Variants in TEX14 observed in about 807,000 individuals in gnomAD.
The protein encoded by TEX14 is inactive serine/threonine-protein kinase TEX14.
TEX14 carries 168 observed loss-of-function variants against 178.6 expected under a neutral mutation model. That is an observed-to-expected ratio of 0.94 (90% CI 0.83 to 1.07). The LOEUF is 1.07. TEX14 is among the 50% of genes least tolerant of loss of function. The pLI, the probability that TEX14 is intolerant of heterozygous loss-of-function variation, is 0.00. For missense variants in TEX14, 1,730 were observed against 1,753.6 expected, an observed-to-expected ratio of 0.99 and a Z score of 0.24; for synonymous variants, 626 against 634.1, an observed-to-expected ratio of 0.99 and a Z score of 0.19.
At chr17:58,618,663 C>T (rs373792350) in intron 5 of TEX14, among the ~76,000 whole-genome samples, 6 of 152,328 alleles carry the variant, frequency 3.9e-5, no homozygotes, top group East Asian at 1.9e-4. Context: ...AGCTGGGAGA[C>T]GGTGCATACT....
intron 2 of TEX14, among the ~76,000 whole-genome samples, chr17:58,646,514 T>A (rs1030303933): frequency 1.3e-5 from 2 of 152,164 alleles, no homozygotes; most frequent in Admixed American, 1.3e-4. Flanking sequence ...TTCTTTTCAT[T>A]TTTTTCAGAG....
chr17:58,679,604 G>A (rs531938087), intron 1 of TEX14: 11 of 152,296 alleles, frequency 7.2e-5, no homozygotes, highest in Admixed American at 2.6e-4. Flanking sequence ...AACCACAGGG[G>A]TCAGCACATC....
chr17:58,680,138 A>G (rs1880398971), intron 1 of TEX14, among the ~76,000 whole-genome samples: 1 of 151,890 alleles, frequency 6.6e-6, no homozygotes, highest in African/African-American at 2.4e-5. Context: ...GGGGTACAGT[A>G]GTTATCGAAC....
At chr17:58,650,554 C>G (rs1170224770) in intron 2 of TEX14, among the ~76,000 whole-genome samples, 1 of 152,140 alleles carries the variant, frequency 6.6e-6, no homozygotes, top group Non-Finnish European at 1.5e-5. Context: ...GAGATGGGAT[C>G]TCACCTCAGC....
chr17:58,593,654 G>A lies in TEX14; in HGVS notation c.2477C>T (p.Thr826Ile). 6.2e-7 allele frequency: 1 copy of A among 1,614,046 alleles called. No individual in the cohort carries two copies. The highest frequency in any genetic ancestry group is 2.2e-5 in the East Asian group (1 of 44,874). Residue 826 changes from threonine (T) to isoleucine (I), a missense_variant, in exon 15 of 32, where the codon ACT (threonine) becomes ATT (isoleucine). Thr to Ile is a moderately conservative substitution (Grantham distance 89, BLOSUM62 -1). This residue lies in a region of TEX14 where 941 missense variants were observed against 1,072.4 expected (regional missense o/e 0.88). Coordinates refer to ENST00000349033, the MANE Select transcript of TEX14 (RefSeq NM_031272.5). The stretch of plus-strand genomic sequence containing the variant: ...GTTCTGTTTTCCAGGGTCACAAAGA[G>A]TCGGCAGCTTAAAAAGCAATAAACA... ...TLPRFPRMLP[T>I]LCDPGKQNTD...
intron 1 of TEX14, among the ~76,000 whole-genome samples, chr17:58,672,729 CT>C (rs201970641): frequency 0.017 from 2,580 of 151,858 alleles, 25 homozygotes; most frequent in Non-Finnish European, 0.024. Flanking sequence ...GTCGGCATTC[CT>C]TTTTTTCTTT....
intron 1 of TEX14, among the ~76,000 whole-genome samples, chr17:58,684,800 C>A (rs1039262151): frequency 1.3e-5 from 2 of 151,760 alleles, no homozygotes; most frequent in Non-Finnish European, 2.9e-5. Flanking sequence ...TATGGCAAAA[C>A]CCTGTCTCCA....
chr17:58,659,295 C>T (rs969203712), intron 1 of TEX14: 5 of 966,492 alleles, frequency 5.2e-6, no homozygotes, highest in East Asian at 1.1e-4. Context: ...TCTCCCCCGC[C>T]ACAAAGACAT....
At chr17:58,683,052 CAA>C (rs1194798521) in intron 1 of TEX14, among the ~76,000 whole-genome samples, 25 of 54,030 alleles carry the variant, frequency 4.6e-4, no homozygotes, top group African/African-American at 1.4e-3. Context: ...GAGTCTGTCT[CAA>C]AAAAAAAAAA....
chr17:58,656,386 A>C (rs181975647), intron 1 of TEX14, among the ~76,000 whole-genome samples: 341 of 151,798 alleles, frequency 2.2e-3, no homozygotes, highest in Non-Finnish European at 3.5e-3. Flanking sequence ...TGGAGGTTGC[A>C]GTGAGCCGAG....
chr17:58,623,085 C>A, intron 3 of TEX14, 73 bp from the exon 4 acceptor site: 1 of 1,379,582 alleles, frequency 7.2e-7, no homozygotes, highest in African/African-American at 1.4e-5. Context: ...GCTCAGCGTG[C>A]AACACAGGGC....
At chr17:58,649,346 C>G (rs1036046370) in intron 2 of TEX14, among the ~76,000 whole-genome samples, 1 of 152,150 alleles carries the variant, frequency 6.6e-6, no homozygotes, top group Non-Finnish European at 1.5e-5. Flanking sequence ...TCCCAAAGTG[C>G]TGGGATTACA....
chr17:58,629,846 A>AAT (rs1567746014), intron 3 of TEX14, among the ~76,000 whole-genome samples: 3 of 144,044 alleles, frequency 2.1e-5, no homozygotes, highest in Non-Finnish European at 3.0e-5. Context: ...AAAAAAAAAA[A>AAT]AAATAAATAA....
At chr17:58,563,557 C>T (rs1471431185) in intron 28 of TEX14, among the ~76,000 whole-genome samples, 2 of 144,368 alleles carry the variant, frequency 1.4e-5, no homozygotes, top group Non-Finnish European at 3.0e-5. Flanking sequence ...GAGGATGGGG[C>T]AGGAAGATCA....
At chr17:58,557,723 T>G in intron 31 of TEX14, 76 bp downstream of exon 31, 1 of 1,181,212 alleles carries the variant, frequency 8.5e-7, no homozygotes, top group East Asian at 2.4e-5. Context: ...ATTTAGACAC[T>G]GGTAAATGTT....
chr17:58,682,866 C>A (rs1022608052), intron 1 of TEX14, among the ~76,000 whole-genome samples: 15 of 152,160 alleles, frequency 9.9e-5, no homozygotes, highest in Middle Eastern at 6.8e-3. Context: ...CTGTTATAAT[C>A]CTCACAGAGG....
intron 1 of TEX14, among the ~76,000 whole-genome samples, chr17:58,665,473 C>A (rs891118192): frequency 3.9e-5 from 6 of 151,960 alleles, no homozygotes; most frequent in Non-Finnish European, 8.8e-5. Flanking sequence ...TCATGCGTGG[C>A]TGTAGTCCAG....
In TEX14 at chr17:58,670,771, T is replaced by TCAAAAAAA. The variant is rs1598432610; in HGVS notation, c.-1-18770_-1-18769insTTTTTTTG. Reference sequence around the variant, plus strand: ...CTGGGCGACAGAGTGAGACTCCCTCTTAAAAAAAAAAAAAAAAAAAAAAAA... The same window carrying TCAAAAAAA: ...CTGGGCGACAGAGTGAGACTCCCTCTCAAAAAAATAAAAAAAAAAAAAAAAAAAAAAAA... On this transcript the variant is annotated intron_variant, in intron 1 of 31. Transcript: ENST00000349033. Among the ~76,000 whole-genome samples the TCAAAAAAA allele has an allele frequency of 1.8e-3, 14 of 7,954 alleles. 7 individuals are homozygous for TCAAAAAAA. The highest frequency in any genetic ancestry group is 1.8e-3 in the Non-Finnish European group (8 of 4,402). The allele number at this position is 7,954 out of a possible 152,430, so 5.2% of individuals were successfully genotyped here.
In TEX14 at chr17:58,691,945, A is replaced by C. The variant is rs1267047098; in HGVS notation, c.-8T>G. 6.6e-6 allele frequency: 1 copy of C among 152,554 alleles called. No individual in the cohort carries two copies. The highest frequency in any genetic ancestry group is 2.4e-5 in the African/African-American group (1 of 41,384). The allele number at this position is 152,554 out of a possible 1,614,324, so 9.5% of individuals were successfully genotyped here. A position where few individuals can be genotyped will look rare whatever the true frequency, so the allele number is the denominator to read the frequency against. ...GGGGACATTAGTTGCTTACTTTTCCAGCTACTGCTTAAGCTAGGCAGGCCA... is the reference window on the plus strand; with the variant it reads ...GGGGACATTAGTTGCTTACTTTTCCCGCTACTGCTTAAGCTAGGCAGGCCA... On this transcript the variant is annotated 5_prime_UTR_variant, in exon 1 of 32. Coordinates refer to ENST00000349033, the MANE Select transcript of TEX14 (RefSeq NM_031272.5).
Sources: allele counts gnomAD v4.1 joint callset (sites outside exome capture counted in the v4.1 genomes callset), GRCh38; gene constraint gnomAD v4.1.1; regional missense constraint gnomAD v4.1.1; transcripts MANE v1.5; gene names NCBI Gene and HGNC (gene_info 2026-07-23, HGNC 2026-07-21).